Variants in CEP128 observed in about 807,000 individuals in gnomAD.
The protein encoded by CEP128 is centrosomal protein 128kDa.
Under a neutral mutation model 156.7 loss-of-function variants are expected in CEP128, and 132 were observed. The observed-to-expected ratio is 0.84, with a 90% CI of 0.73 to 0.97. CEP128 has a LOEUF of 0.97. Ranked by LOEUF, CEP128 falls within the 50% of genes least tolerant of loss-of-function variation. CEP128 has a pLI of 0.00. For synonymous variants in CEP128, 469 were observed against 448.9 expected, an observed-to-expected ratio of 1.04 and a Z score of -0.57; for missense variants, 1,252 against 1,281.9, an observed-to-expected ratio of 0.98 and a Z score of 0.36.
chr14:80,850,788 C>A (rs890906369), intron 9 of CEP128, among the ~76,000 whole-genome samples: 1 of 152,140 alleles, frequency 6.6e-6, no homozygotes, highest in Non-Finnish European at 1.5e-5. Context: ...TTCTAAATTT[C>A]TTTTTCAAAC....
chr14:80,913,733 A>G (rs1048453633), intron 4 of CEP128, among the ~76,000 whole-genome samples: 24 of 151,986 alleles, frequency 1.6e-4, no homozygotes, highest in Admixed American at 3.9e-4. Flanking sequence ...ACGCAAAGGT[A>G]TACAGAGTGG....
Position 80,672,039 on chromosome 14 carries a change from CAT to C in CEP128, c.2806+71034_2806+71035del, listed in dbSNP as rs565861138. The stretch of plus-strand genomic sequence containing the variant: ...AGAGATTTACACCAAAGAGATGACA[CAT>C]ATAAATTCTGACCTTGAAGACTGGG... On this transcript the variant is annotated intron_variant, in intron 19 of 24. Transcript: ENST00000555265. 1.4e-3 allele frequency among the ~76,000 whole-genome samples: 209 copies of C among 152,152 alleles called. 1 individual carries two copies. Among genetic ancestry groups the C allele is most frequent in the African/African-American group, 4.9e-3 (204 of 41,510 alleles).
rs148532040 is a variant in CEP128, at chr14:80,538,541, T to C, written c.2881-7655A>G. On this transcript the variant is annotated intron_variant, in intron 21 of 24. Coordinates refer to ENST00000555265, the MANE Select transcript of CEP128 (RefSeq NM_152446.5). ...TATACCCACCACCTAGATTCAACTA[T>C]TAACATTATGTTTTATATTTGCTTT... 5.2e-3 allele frequency among the ~76,000 whole-genome samples: 797 copies of C among 152,348 alleles called. 5 individuals are homozygous for C. The highest frequency in any genetic ancestry group is 0.013 in the South Asian group (61 of 4,820).
chr14:80,513,033 C>G (rs1206207530), intron 23 of CEP128, among the ~76,000 whole-genome samples: 2 of 151,998 alleles, frequency 1.3e-5, no homozygotes, highest in African/African-American at 4.8e-5. Flanking sequence ...TTATAATGTT[C>G]AGATTTTTCT....
At chr14:80,826,757 T>C (rs12436392) in intron 13 of CEP128, among the ~76,000 whole-genome samples, 149,343 of 152,310 alleles carry the variant, frequency 0.98, 73,241 homozygotes, top group East Asian at 1. Context: ...ATGTTCAGCA[T>C]CTTGTTTTTT....
At chr14:80,870,873 T>A (rs1887991508) in intron 8 of CEP128, among the ~76,000 whole-genome samples, 1 of 151,112 alleles carries the variant, frequency 6.6e-6, no homozygotes, top group African/African-American at 2.4e-5. Context: ...AAAAAACTGT[T>A]AGAAGTAATA....
At chr14:80,520,729 T>G (rs1888702558) in intron 23 of CEP128, among the ~76,000 whole-genome samples, 1 of 152,126 alleles carries the variant, frequency 6.6e-6, no homozygotes, top group Non-Finnish European at 1.5e-5. Context: ...CTCAAAAAAA[T>G]GTGCCATTGA....
intron 8 of CEP128, among the ~76,000 whole-genome samples, chr14:80,880,441 C>T (rs996324620): frequency 2.0e-5 from 3 of 152,082 alleles, no homozygotes; most frequent in Non-Finnish European, 4.4e-5. Flanking sequence ...CCCCCTCCTT[C>T]TATTCAACAT....
intron 19 of CEP128, among the ~76,000 whole-genome samples, chr14:80,680,631 A>T (rs1035699189): frequency 6.6e-6 from 1 of 151,262 alleles, no homozygotes; most frequent in East Asian, 1.9e-4. Flanking sequence ...GTATAGTAGG[A>T]CCCTCTGCAG....
intron 24 of CEP128, among the ~76,000 whole-genome samples, chr14:80,501,426 T>C (rs533901826): frequency 6.6e-6 from 1 of 152,278 alleles, no homozygotes; most frequent in South Asian, 2.1e-4. Flanking sequence ...TCAACTAGAA[T>C]TTTATATAAT....
In CEP128 at chr14:80,741,292, T is replaced by C. The variant is rs1334674638; in HGVS notation, c.2806+1783A>G. ...TTGCAATTTCCACATAAATTTTAGG[T>C]TTTAGTAAACCTGATAGTTTCAACA... is the stretch of plus-strand genomic sequence containing the variant. On this transcript the variant is annotated intron_variant, in intron 19 of 24. Transcript: ENST00000555265. Among the ~76,000 whole-genome samples the C allele has an allele frequency of 3.9e-5, 6 of 152,166 alleles. 1 individual carries two copies. The highest frequency in any genetic ancestry group is 7.2e-5 in the African/African-American group (3 of 41,446).
At chr14:80,531,306 T>C (rs186336676) in intron 21 of CEP128, among the ~76,000 whole-genome samples, 7 of 152,332 alleles carry the variant, frequency 4.6e-5, no homozygotes, top group Non-Finnish European at 7.3e-5. Flanking sequence ...TTCTTAAATG[T>C]TGCCATTATA....
At chr14:80,819,619 T>C (rs2139989877) in intron 13 of CEP128, among the ~76,000 whole-genome samples, 1 of 152,216 alleles carries the variant, frequency 6.6e-6, no homozygotes, top group African/African-American at 2.4e-5. Flanking sequence ...CCTCCCCAAG[T>C]CCCTACCTCT....
In CEP128 at chr14:80,804,073, G is replaced by A. The variant is rs1050692969; in HGVS notation, c.1210-10963C>T. On this transcript the variant is annotated intron_variant, in intron 13 of 24. Transcript: ENST00000555265. ...AACATGTGTACTGCAAAATTATGTG[G>A]ATGTTTACATTATACTCATTTTACA... 7.3e-5 allele frequency among the ~76,000 whole-genome samples: 11 copies of A among 151,556 alleles called. 1 individual carries two copies. Among genetic ancestry groups the A allele is most frequent in the Admixed American group, 5.9e-4 (9 of 15,222 alleles).
At chr14:80,595,662 T>C (rs903668521) in intron 19 of CEP128, among the ~76,000 whole-genome samples, 1 of 152,164 alleles carries the variant, frequency 6.6e-6, no homozygotes, top group Non-Finnish European at 1.5e-5. Flanking sequence ...CTAAAGACTA[T>C]TCAAATAACC....
intron 19 of CEP128, among the ~76,000 whole-genome samples, chr14:80,616,170 T>C (rs1018228643): frequency 6.6e-6 from 1 of 152,334 alleles, no homozygotes. Flanking sequence ...CTTAAAAATT[T>C]GCATTCAATT....
intron 8 of CEP128, among the ~76,000 whole-genome samples, chr14:80,889,576 G>T (rs773285066): frequency 2.0e-5 from 3 of 152,162 alleles, no homozygotes; most frequent in Admixed American, 6.5e-5. Context: ...GCTACCATAT[G>T]CAGAAAACTA....
intron 19 of CEP128, among the ~76,000 whole-genome samples, chr14:80,594,879 T>G (rs1250331331): frequency 4.6e-5 from 7 of 152,050 alleles, no homozygotes; most frequent in African/African-American, 1.7e-4. Context: ...TTGGTGGGAG[T>G]GTAAATCTAG....
intron 9 of CEP128, among the ~76,000 whole-genome samples, chr14:80,860,629 A>G (rs1245086368): frequency 6.6e-6 from 1 of 152,138 alleles, no homozygotes; most frequent in Non-Finnish European, 1.5e-5. Context: ...GGTTAAAAAA[A>G]AAAAGCTTAC....
Sources: allele counts gnomAD v4.1 joint callset (sites outside exome capture counted in the v4.1 genomes callset), GRCh38; gene constraint gnomAD v4.1.1; transcripts MANE v1.5; gene names NCBI Gene and HGNC (gene_info 2026-07-23, HGNC 2026-07-21).